PLCL1: variants seen among roughly 807,000 people sequenced by gnomAD.
The protein encoded by PLCL1 is inactive phospholipase C-like protein 1.
In PLCL1, 41 loss-of-function variants were observed where a neutral mutation model predicts 84.4. The observed-to-expected ratio is 0.49, with a 90% CI of 0.38 to 0.63. The LOEUF is 0.63. Among genes scored for constraint, PLCL1 ranks in the 30% least tolerant of loss-of-function variants. The pLI, the probability that PLCL1 is intolerant of heterozygous loss-of-function variation, is 0.00. For synonymous variants in PLCL1, 490 were observed against 488.3 expected, an observed-to-expected ratio of 1.00 and a Z score of -0.05; for missense variants, 1,206 against 1,367.8, an observed-to-expected ratio of 0.88 and a Z score of 1.87.
Position 198,084,941 on chromosome 2 carries a change from T to C in PLCL1, c.1424T>C (p.Ile475Thr), listed in dbSNP as rs547954345. The C allele has an allele frequency of 9.9e-6, 16 of 1,614,004 alleles. No homozygotes were observed. The East Asian group carries it at 3.6e-4, about 36-fold the overall frequency. ...HVSFRSVIEV[I>T]NKFAFVASEY... is the part of the protein sequence containing the mutation. ...TCCTTTCGAAGTGTCATAGAGGTAA[T>C]AAATAAATTTGCCTTTGTTGCTTCT... Residue 475 changes from isoleucine to threonine, a missense_variant, in exon 2 of 6, where the codon ATA becomes ACA. Transcript: ENST00000428675.
chr2:198,023,031 G>A (rs1282243679), intron 1 of PLCL1, among the ~76,000 whole-genome samples: 2 of 152,178 alleles, frequency 1.3e-5, no homozygotes, highest in East Asian at 3.9e-4. Flanking sequence ...AAATAGCATG[G>A]TGCTGGTACC....
intron 1 of PLCL1, among the ~76,000 whole-genome samples, chr2:197,957,906 A>G (rs1487836175): frequency 6.6e-6 from 1 of 151,972 alleles, no homozygotes; most frequent in Non-Finnish European, 1.5e-5. Flanking sequence ...AATATTTTCC[A>G]TGTTTTAAGT....
At chr2:198,055,667 C>T (rs574303858) in intron 1 of PLCL1, among the ~76,000 whole-genome samples, 17 of 151,904 alleles carry the variant, frequency 1.1e-4, no homozygotes, top group South Asian at 6.2e-4. Flanking sequence ...TATCTCACAA[C>T]GACATAGATA....
rs879684954 is a variant in PLCL1, at chr2:198,085,942, A to G, written c.2425A>G (p.Ile809Val). 14 of 1,614,020 alleles carry G rather than the reference A, an allele frequency of 8.7e-6. No homozygotes were observed. Among genetic ancestry groups the G allele is most frequent in the Non-Finnish European group, 1.1e-5 (13 of 1,180,002 alleles). ...LDDDYIGDEF[I>V]GQYTIPFECL... ...TGATGACTACATTGGGGATGAGTTT[A>G]TAGGGCAATATACGATACCATTTGA... Residue 809 changes from isoleucine (I) to valine (V), a missense_variant, in exon 2 of 6, where the codon ATA becomes GTA. Physicochemically the swap from Ile to Val is conservative, Grantham distance 29. Coordinates refer to ENST00000428675, the MANE Select transcript of PLCL1 (RefSeq NM_006226.4). This position sits in a 1 kb window ranked among gnomAD's most constrained non-coding sequence, Gnocchi z 5.3.
chr2:197,992,341 T>C (rs1690362363), intron 1 of PLCL1, among the ~76,000 whole-genome samples: 1 of 152,140 alleles, frequency 6.6e-6, no homozygotes, highest in Non-Finnish European at 1.5e-5. Context: ...CATGGCTCAC[T>C]GCAGCCTTGA....
chr2:197,840,029 A>G (rs1686959979), intron 1 of PLCL1, among the ~76,000 whole-genome samples: 1 of 152,206 alleles, frequency 6.6e-6, no homozygotes, highest in Non-Finnish European at 1.5e-5. Context: ...GTGGAAGACT[A>G]TTCTCTTGTC....
At chr2:197,829,157 C>T (rs1690999648) in intron 1 of PLCL1, among the ~76,000 whole-genome samples, 1 of 152,110 alleles carries the variant, frequency 6.6e-6, no homozygotes, top group African/African-American at 2.4e-5. Context: ...AAGTGAGCAT[C>T]CTGTGTTTTT....
chr2:197,848,274 A>G (rs1276096199), intron 1 of PLCL1, among the ~76,000 whole-genome samples: 3 of 152,206 alleles, frequency 2.0e-5, no homozygotes, highest in Non-Finnish European at 2.9e-5. Flanking sequence ...CCGAATTCTG[A>G]CACGAACATG....
chr2:197,909,759 T>C lies in PLCL1; in HGVS notation c.240+104420T>C, dbSNP rs1013773223. Among the ~76,000 whole-genome samples the C allele has an allele frequency of 2.0e-5, 3 of 152,220 alleles. No individual in the cohort carries two copies. The South Asian group carries it at 6.2e-4, about 32-fold the overall frequency. ...CTGGTAGCAGTCGGCTTATAAAGTTTATGCTGTCTGCCCTTTGATAAGGGT... is the reference window on the plus strand; with the variant it reads ...CTGGTAGCAGTCGGCTTATAAAGTTCATGCTGTCTGCCCTTTGATAAGGGT... On this transcript the variant is annotated intron_variant, in intron 1 of 5. Transcript: ENST00000428675.
rs192360883 is a variant in PLCL1 at position 198,006,865 on chromosome 2, C to G, written c.241-76893C>G. 5.3e-5 allele frequency among the ~76,000 whole-genome samples: 8 copies of G among 152,294 alleles called. No individual in the cohort carries two copies. The East Asian group carries it at 1.5e-3, about 29-fold the overall frequency. ...TCTAGAAACTGAGCTGTGCCCAAAA[C>G]CTTTTACCAGTTTCTAAAGGCACCT... On this transcript the variant is annotated intron_variant, in intron 1 of 5. Transcript: ENST00000428675.
intron 1 of PLCL1, among the ~76,000 whole-genome samples, chr2:198,054,145 C>T (rs576498007): frequency 1.3e-5 from 2 of 152,288 alleles, no homozygotes; most frequent in South Asian, 2.1e-4. Context: ...AATATGTATG[C>T]ACCCAACATC....
At chr2:198,022,568 A>G (rs181050530) in intron 1 of PLCL1, among the ~76,000 whole-genome samples, 1 of 152,352 alleles carries the variant, frequency 6.6e-6, no homozygotes, top group Non-Finnish European at 1.5e-5. Flanking sequence ...TACAAAATCA[A>G]TATGCAAAAA....
intron 1 of PLCL1, among the ~76,000 whole-genome samples, chr2:197,819,937 G>T (rs1359802050): frequency 6.6e-6 from 1 of 151,434 alleles, no homozygotes; most frequent in African/African-American, 2.4e-5. Flanking sequence ...GTAGGGTTGG[G>T]GGAAGGTATA....
At position 197,995,100 on chromosome 2, in the gene PLCL1, T is replaced by C. The variant is rs191654426; in HGVS notation, c.241-88658T>C. On this transcript the variant is annotated intron_variant, in intron 1 of 5. Transcript: ENST00000428675. ...TTCAGTAAATTACAGGTACTAACTT[T>C]TGTTCTTTCTGGTGCAGATGTGTTA... 4.5e-3 allele frequency among the ~76,000 whole-genome samples: 688 copies of C among 152,342 alleles called. 5 individuals carry two copies. Among genetic ancestry groups the C allele is most frequent in the African/African-American group, 0.016 (659 of 41,590 alleles).
intron 1 of PLCL1, among the ~76,000 whole-genome samples, chr2:197,810,482 C>T (rs570283978): frequency 1.3e-5 from 2 of 152,322 alleles, no homozygotes; most frequent in East Asian, 1.9e-4. Context: ...AGGGGTTAAA[C>T]GTGCATTGTG....
Position 198,084,636 on chromosome 2 carries a change from A to G in PLCL1, c.1119A>G (p.Ala373=), listed in dbSNP as rs773564878. 3 of 1,613,994 alleles carry G rather than the reference A, an allele frequency of 1.9e-6. No individual in the cohort carries two copies. Among genetic ancestry groups the G allele is most frequent in the Non-Finnish European group, 2.5e-6 (3 of 1,179,980 alleles). The change falls in exon 2 of 6, where the codon GCA becomes GCG. Residue 373 remains alanine (A), a synonymous_variant. Coordinates refer to ENST00000428675, the MANE Select transcript of PLCL1 (RefSeq NM_006226.4). ...SEEGRQKGFL[A]IDGFTQYLLS... ...AGGGACGTCAAAAAGGGTTTCTTGC[A>G]ATTGATGGCTTTACCCAGTATTTAT... is the stretch of plus-strand genomic sequence containing the variant.
intron 1 of PLCL1, among the ~76,000 whole-genome samples, chr2:197,844,093 A>G (rs565707858): frequency 3.7e-4 from 56 of 152,294 alleles, no homozygotes; most frequent in Non-Finnish European, 4.4e-5. Context: ...GCTTATGGAC[A>G]TTACTATTTT....
chr2:198,113,635 A>C (rs1693673346), intron 5 of PLCL1, among the ~76,000 whole-genome samples: 1 of 151,940 alleles, frequency 6.6e-6, no homozygotes, highest in Admixed American at 6.6e-5. Flanking sequence ...CATGGATTCC[A>C]AAACCCTGCC....
intron 1 of PLCL1, among the ~76,000 whole-genome samples, chr2:197,943,627 C>CTTTTTTTTTTTTTTTTTTTTT (rs5837573): frequency 8.4e-6 from 1 of 119,208 alleles, no homozygotes; most frequent in African/African-American, 3.2e-5. Flanking sequence ...TTGGTTACAT[C>CTTTTTTTTTTTTTTTTTTTTT]TTTTTTTTTT....
Sources: allele counts gnomAD v4.1 joint callset (sites outside exome capture counted in the v4.1 genomes callset), GRCh38; gene constraint gnomAD v4.1.1; non-coding constraint Gnocchi (gnomAD v3.1); transcripts MANE v1.5; gene names NCBI Gene and HGNC (gene_info 2026-07-23, HGNC 2026-07-21).